The following KCNIP4 variants were observed in gnomAD, a reference collection of about 807,000 sequenced individuals.
The protein encoded by KCNIP4 is Kv channel-interacting protein 4.
KCNIP4 carries 12 observed loss-of-function variants against 34.0 expected under a neutral mutation model. That is an observed-to-expected ratio of 0.35 (90% CI 0.23 to 0.57). KCNIP4 has a LOEUF of 0.57. Among genes scored for constraint, KCNIP4 ranks in the 20% least tolerant of loss-of-function variants. The pLI, the probability that KCNIP4 is intolerant of heterozygous loss-of-function variation, is 0.83. For synonymous variants in KCNIP4, 124 were observed against 102.2 expected, an observed-to-expected ratio of 1.21 and a Z score of -1.29; for missense variants, 238 against 311.7, an observed-to-expected ratio of 0.76 and a Z score of 1.78.
intron 3 of KCNIP4, among the ~76,000 whole-genome samples, chr4:20,790,424 CT>C (rs1712586573): frequency 1.3e-5 from 2 of 152,212 alleles, no homozygotes; most frequent in South Asian, 4.1e-4. Flanking sequence ...GTTACTGTGA[CT>C]TTTCAAACTT....
intron 2 of KCNIP4, among the ~76,000 whole-genome samples, chr4:20,871,905 G>C (rs1723507962): frequency 6.6e-6 from 1 of 152,108 alleles, no homozygotes; most frequent in Non-Finnish European, 1.5e-5. Flanking sequence ...AGTGAAAAGA[G>C]TTGGAAGTGA....
In KCNIP4 at chr4:21,133,792, A is replaced by G. The variant is rs141533877; in HGVS notation, c.62-251083T>C. ...TTTCTCATTTCTTTTATTAAGTTGT[A>G]TTTTGTTTTCTAATTTTTACTCTCA... On this transcript the variant is annotated intron_variant, in intron 1 of 8. Coordinates refer to ENST00000382152, the MANE Select transcript of KCNIP4 (RefSeq NM_025221.6). 5.3e-4 allele frequency among the ~76,000 whole-genome samples: 81 copies of G among 152,168 alleles called. 2 individuals carry two copies. The East Asian group carries it at 0.013, about 25-fold the overall frequency.
intron 1 of KCNIP4, among the ~76,000 whole-genome samples, chr4:21,742,694 TACA>T (rs897154581): frequency 1.3e-4 from 20 of 152,112 alleles, no homozygotes; most frequent in African/African-American, 4.3e-4. Flanking sequence ...CATAGAGAAA[TACA>T]ACAAGACTTA....
chr4:20,839,601 G>T (rs769789362), intron 3 of KCNIP4, among the ~76,000 whole-genome samples: 17 of 151,346 alleles, frequency 1.1e-4, no homozygotes, highest in Non-Finnish European at 2.2e-4. Context: ...CTTTAAGAAA[G>T]AACTTCTAGA....
intron 1 of KCNIP4, among the ~76,000 whole-genome samples, chr4:21,630,997 C>G (rs1745727601): frequency 6.6e-6 from 1 of 152,196 alleles, no homozygotes; most frequent in African/African-American, 2.4e-5. Flanking sequence ...TGTCATCGCT[C>G]TCTAGTTCAC....
chr4:21,778,068 C>T lies in KCNIP4; in HGVS notation c.61+170503G>A, dbSNP rs183902625. On this transcript the variant is annotated intron_variant, in intron 1 of 8. Transcript: ENST00000382152. ...ATATAGGACAACTTATCTGTCTTTA[C>T]CAGGTGAAACTAGTCAGTTCTCCCT... Among the ~76,000 whole-genome samples the T allele has an allele frequency of 6.7e-4, 102 of 152,092 alleles. No individual in the cohort carries two copies. In the Middle Eastern group the frequency reaches 0.01, roughly 15 times the overall value.
intron 1 of KCNIP4, among the ~76,000 whole-genome samples, chr4:21,933,559 T>C (rs1729692796): frequency 6.6e-6 from 1 of 152,118 alleles, no homozygotes; most frequent in Admixed American, 6.6e-5. Context: ...AAACTCAGCA[T>C]ACTCAGAATG....
At chr4:20,794,905 G>A (rs1167787462) in intron 3 of KCNIP4, among the ~76,000 whole-genome samples, 6 of 152,124 alleles carry the variant, frequency 3.9e-5, no homozygotes, top group Non-Finnish European at 8.8e-5. Flanking sequence ...TGAGAAAAAG[G>A]TGTTAACAAT....
chr4:20,981,004 A>G (rs1275285987), intron 1 of KCNIP4, among the ~76,000 whole-genome samples: 6 of 152,240 alleles, frequency 3.9e-5, no homozygotes, highest in Admixed American at 1.3e-4. Flanking sequence ...TTTTTTTCTC[A>G]AACCTTTACT....
chr4:21,025,564 T>TG (rs1740480279), intron 1 of KCNIP4, among the ~76,000 whole-genome samples: 1 of 126,364 alleles, frequency 7.9e-6, no homozygotes, highest in Non-Finnish European at 1.7e-5. Context: ...TTTTTTTTTT[T>TG]TTTTTTTGAG....
chr4:21,075,349 T>C (rs985842241), intron 1 of KCNIP4, among the ~76,000 whole-genome samples: 3 of 152,322 alleles, frequency 2.0e-5, no homozygotes, highest in South Asian at 2.1e-4. Flanking sequence ...ATATTTAAGA[T>C]AGTTAGCTCT....
At chr4:20,931,897 T>C (rs1048913197) in intron 1 of KCNIP4, among the ~76,000 whole-genome samples, 4 of 147,120 alleles carry the variant, frequency 2.7e-5, no homozygotes, top group African/African-American at 1.1e-4. Context: ...GAGTCTAATA[T>C]TGTAGACTAT....
At chr4:21,830,445 C>A (rs187694255) in intron 1 of KCNIP4, among the ~76,000 whole-genome samples, 33 of 151,916 alleles carry the variant, frequency 2.2e-4, no homozygotes, top group Non-Finnish European at 4.3e-4. Flanking sequence ...GAGGCCGAGG[C>A]GGGCTGGATC....
chr4:21,259,876 C>T (rs12648055), intron 1 of KCNIP4, among the ~76,000 whole-genome samples: 12,118 of 109,752 alleles, frequency 0.11, 577 homozygotes, highest in South Asian at 0.28. Context: ...TTTGGCAAAG[C>T]GCCCAAGACT....
intron 1 of KCNIP4, among the ~76,000 whole-genome samples, chr4:20,884,376 G>A (rs1452663157): frequency 1.3e-5 from 2 of 151,934 alleles, no homozygotes; most frequent in East Asian, 1.9e-4. Flanking sequence ...TGTTATAAAT[G>A]TCCTTAATAT....
intron 3 of KCNIP4, among the ~76,000 whole-genome samples, chr4:20,782,951 A>C (rs1756997381): frequency 6.6e-6 from 1 of 152,178 alleles, no homozygotes; most frequent in Non-Finnish European, 1.5e-5. Context: ...TCACCTCTTG[A>C]ATGCATTGCT....
At chr4:21,202,220 T>A (rs926209114) in intron 1 of KCNIP4, among the ~76,000 whole-genome samples, 1 of 152,232 alleles carries the variant, frequency 6.6e-6, no homozygotes, top group Non-Finnish European at 1.5e-5. Context: ...AAATGTGGGA[T>A]GTATACACCA....
chr4:20,967,761 C>T (rs537314328), intron 1 of KCNIP4, among the ~76,000 whole-genome samples: 1 of 152,130 alleles, frequency 6.6e-6, no homozygotes, highest in African/African-American at 2.4e-5. Flanking sequence ...CTTCCTTACA[C>T]CTTATACAAA....
chr4:21,808,819 T>C lies in KCNIP4; in HGVS notation c.61+139752A>G, dbSNP rs1445629855. Among the ~76,000 whole-genome samples, 4 of 152,196 alleles carry C rather than the reference T, an allele frequency of 2.6e-5. No homozygotes were observed. In the East Asian group the frequency reaches 7.7e-4, roughly 29 times the overall value. On this transcript the variant is annotated intron_variant, in intron 1 of 8. Coordinates refer to ENST00000382152, the MANE Select transcript of KCNIP4 (RefSeq NM_025221.6). ...TATAATTTTGGGGATGATTCCTTTG[T>C]CTAATCTGCACTCAGCACTAGAAGA...
Sources: gnomAD v4.1 joint callset for allele counts (sites outside exome capture counted in the v4.1 genomes callset) on GRCh38, gnomAD v4.1.1 for gene constraint, MANE v1.5 for transcripts, NCBI Gene and HGNC (gene_info 2026-07-23, HGNC 2026-07-21) for gene names.